LARGE1: variants seen among roughly 807,000 people sequenced by gnomAD.
LARGE1 encodes LARGE xylosyl- and glucuronyltransferase 1.
Under a neutral mutation model 87.6 loss-of-function variants are expected in LARGE1, and 43 were observed. The observed-to-expected ratio is 0.49, with a 90% CI of 0.38 to 0.63. LARGE1 has a LOEUF of 0.63. Ranked by LOEUF, LARGE1 falls within the 30% of genes least tolerant of loss-of-function variation. The probability of loss-of-function intolerance (pLI) is 0.00; values close to 1 mark genes in which losing one functional copy is unlikely to be tolerated. For synonymous variants in LARGE1, 434 were observed against 394.6 expected (o/e 1.10, Z -1.18); for missense variants, 802 against 1,000.2 (o/e 0.80, Z 2.67).
At chr22:33,566,590 A>G (rs1046487926) in intron 5 of LARGE1, among the ~76,000 whole-genome samples, 2 of 152,206 alleles carry the variant, frequency 1.3e-5, no homozygotes, top group African/African-American at 4.8e-5. Context: ...AGCAAGATTT[A>G]CTGTGAAGAG....
intron 6 of LARGE1, among the ~76,000 whole-genome samples, chr22:33,453,369 C>T (rs950333231): frequency 6.6e-5 from 10 of 151,326 alleles, no homozygotes; most frequent in African/African-American, 9.7e-5. Flanking sequence ...GAGCCAAGAT[C>T]GTGCCACTGC....
At chr22:33,703,104 C>G (rs1259988998) in intron 2 of LARGE1, among the ~76,000 whole-genome samples, 1 of 152,172 alleles carries the variant, frequency 6.6e-6, no homozygotes, top group African/African-American at 2.4e-5. Context: ...GAAAACCAAA[C>G]ATCGCATGTT....
chr22:33,351,087 C>G (rs1304329173), intron 9 of LARGE1, among the ~76,000 whole-genome samples: 5 of 152,220 alleles, frequency 3.3e-5, no homozygotes, highest in Non-Finnish European at 5.9e-5. Context: ...TAGCTGTATT[C>G]TGCACTAGAA....
intron 10 of LARGE1, among the ~76,000 whole-genome samples, chr22:33,333,499 C>G (rs1371806752): frequency 1.3e-5 from 2 of 152,192 alleles, no homozygotes; most frequent in Admixed American, 1.3e-4. Flanking sequence ...CAGCTTTGTT[C>G]CTAGCCATGC....
chr22:33,151,282 TTGTG>T, the LARGE1 span, among the ~76,000 whole-genome samples: 2 of 152,030 alleles, frequency 1.3e-5, no homozygotes, highest in African/African-American at 2.4e-5. Context: ...TATGATTCAT[TTGTG>T]TGTGTGTGTT....
chr22:33,721,281 A>G (rs1192755787), intron 2 of LARGE1, among the ~76,000 whole-genome samples: 1 of 152,226 alleles, frequency 6.6e-6, no homozygotes, highest in African/African-American at 2.4e-5. Flanking sequence ...ACAAGACATT[A>G]AATCAGAGCA....
chr22:33,504,813 A>C (rs1001114053), intron 6 of LARGE1, among the ~76,000 whole-genome samples: 1 of 152,240 alleles, frequency 6.6e-6, no homozygotes, highest in Admixed American at 6.5e-5. Flanking sequence ...AAAAAATAAC[A>C]TAGTAGTTAA....
At position 33,413,743 on chromosome 22, in the gene LARGE1, G is replaced by A. The variant is rs192843612; in HGVS notation, c.892+18418C>T. Among the ~76,000 whole-genome samples the A allele has an allele frequency of 9.1e-3, 1,389 of 152,130 alleles. 9 individuals carry two copies. Among genetic ancestry groups the A allele is most frequent in the Non-Finnish European group, 0.015 (1,034 of 68,006 alleles). The stretch of plus-strand genomic sequence containing the variant: ...GCCTCCCAAAGTGCTGGGATTACAG[G>A]TGTGACCCACCGCACCCGGCCTACT... On this transcript the variant is annotated intron_variant, in intron 7 of 14. Transcript: ENST00000397394.
chr22:33,449,913 T>C (rs1355949813), intron 6 of LARGE1, among the ~76,000 whole-genome samples: 1 of 152,008 alleles, frequency 6.6e-6, no homozygotes, highest in Non-Finnish European at 1.5e-5. Flanking sequence ...AGGATGAGGC[T>C]TTTGTACTTT....
At position 33,837,679 on chromosome 22, in the gene LARGE1, G is replaced by C. The variant is rs539811974; in HGVS notation, c.-82-76121C>G. Among the ~76,000 whole-genome samples, 277 of 152,334 alleles carry C rather than the reference G, an allele frequency of 1.8e-3. 1 individual carries two copies. The highest frequency in any genetic ancestry group is 3.2e-3 in the Non-Finnish European group (215 of 68,030). The stretch of plus-strand genomic sequence containing the variant: ...TCGGAAGAAGAGCTGACCCAGGTGA[G>C]TGTGTTCGTATCAAACAGCTGCAGG... On this transcript the variant is annotated intron_variant, in intron 1 of 14. Coordinates refer to ENST00000397394, the MANE Select transcript of LARGE1 (RefSeq NM_133642.5).
intron 9 of LARGE1, among the ~76,000 whole-genome samples, chr22:33,344,439 C>T (rs1367032541): frequency 6.6e-6 from 1 of 152,052 alleles, no homozygotes; most frequent in East Asian, 1.9e-4. Context: ...TGATAACGTG[C>T]ATTTAAAGAG....
intron 11 of LARGE1, among the ~76,000 whole-genome samples, chr22:33,250,013 T>C (rs971686093): frequency 1.4e-4 from 22 of 152,194 alleles, no homozygotes; most frequent in Admixed American, 3.9e-4. Flanking sequence ...GTGTTGGCTA[T>C]TCTGAGTCTT....
chr22:33,834,677 G>A (rs925892386), intron 1 of LARGE1, among the ~76,000 whole-genome samples: 26 of 152,216 alleles, frequency 1.7e-4, no homozygotes, highest in African/African-American at 6.3e-4. Context: ...ACACGGACGC[G>A]AGTGAAAGTA....
At chr22:33,873,795 G>A (rs900927498) in intron 1 of LARGE1, among the ~76,000 whole-genome samples, 8 of 151,092 alleles carry the variant, frequency 5.3e-5, no homozygotes, top group African/African-American at 2.0e-4. Flanking sequence ...CCTAGGATCT[G>A]CCTCCCACTT....
the LARGE1 span, among the ~76,000 whole-genome samples, chr22:33,080,283 A>G: frequency 6.6e-6 from 1 of 152,172 alleles, no homozygotes; most frequent in Non-Finnish European, 1.5e-5. Flanking sequence ...AAGTTGGTAT[A>G]TATGTGTATT....
At chr22:33,873,563 C>T (rs940733651) in intron 1 of LARGE1, among the ~76,000 whole-genome samples, 7 of 152,110 alleles carry the variant, frequency 4.6e-5, no homozygotes, top group Non-Finnish European at 7.4e-5. Flanking sequence ...GGGGTCCAGC[C>T]TCTTCACCCA....
intron 11 of LARGE1, among the ~76,000 whole-genome samples, chr22:33,205,962 T>TG (rs1924657574): frequency 2.1e-5 from 3 of 145,654 alleles, no homozygotes; most frequent in African/African-American, 7.6e-5. Context: ...TTTTTTTTTT[T>TG]TTTTTTTTGT....
At position 33,403,009 on chromosome 22, in the gene LARGE1, G is replaced by A. The variant is rs562992813; in HGVS notation, c.893-18705C>T. ...CGTTTTCTAATACTGATGCCTATGG[G>A]GTGATGTGGAATATGACTTACAGGG... On this transcript the variant is annotated intron_variant, in intron 7 of 14. Transcript: ENST00000397394. Among the ~76,000 whole-genome samples, 5 of 152,232 alleles carry A rather than the reference G, an allele frequency of 3.3e-5. No homozygotes were observed. The South Asian group carries it at 8.3e-4, about 25-fold the overall frequency.
chr22:33,832,214 A>C (rs949980529), intron 1 of LARGE1, among the ~76,000 whole-genome samples: 3 of 152,164 alleles, frequency 2.0e-5, no homozygotes, highest in Non-Finnish European at 4.4e-5. Flanking sequence ...AAACATGCAG[A>C]GCTCACTTAG....
Sources: gnomAD v4.1 joint callset for allele counts (sites outside exome capture counted in the v4.1 genomes callset) on GRCh38, gnomAD v4.1.1 for gene constraint, MANE v1.5 for transcripts, NCBI Gene and HGNC (gene_info 2026-07-23, HGNC 2026-07-21) for gene names.